CTDSPL: variants seen among roughly 807,000 people sequenced by gnomAD.
CTDSPL encodes the protein CTD small phosphatase like.
In CTDSPL, 8 loss-of-function variants were observed where a neutral mutation model predicts 30.5. The ratio of observed to expected loss-of-function variants is 0.26; its 90% CI spans 0.15 to 0.47. CTDSPL has a LOEUF of 0.47. Among genes scored for constraint, CTDSPL ranks in the 20% least tolerant of loss-of-function variants. The pLI is 0.99. For missense variants in CTDSPL, 248 were observed against 366.1 expected (o/e 0.68, Z 2.63); for synonymous variants, 110 against 137.9 (o/e 0.80, Z 1.42).
Position 37,901,797 on chromosome 3 carries a change from G to A in CTDSPL, c.79+39519G>A, listed in dbSNP as rs555193574. ...AGGTGTATGCAACCAGAAAGGTATT[G>A]AGCTACACAAAAATCAGAAAACCCA... is the stretch of plus-strand genomic sequence containing the variant. On this transcript the variant is annotated intron_variant, in intron 1 of 7. Coordinates refer to ENST00000273179, the MANE Select transcript of CTDSPL (RefSeq NM_001008392.2). Among the ~76,000 whole-genome samples, 7 of 152,268 alleles carry A rather than the reference G, an allele frequency of 4.6e-5. No homozygotes were observed. The South Asian group carries it at 1.5e-3, about 32-fold the overall frequency.
intron 1 of CTDSPL, among the ~76,000 whole-genome samples, chr3:37,884,073 A>G (rs1248043622): frequency 2.6e-5 from 4 of 152,238 alleles, no homozygotes; most frequent in Non-Finnish European, 5.9e-5. Context: ...CAAACATAAA[A>G]TGTTAGTATA....
At position 37,862,319 on chromosome 3, in the gene CTDSPL, C is replaced by T. The variant is rs1697951413; in HGVS notation, c.79+41C>T. 1.4e-6 allele frequency: 2 copies of T among 1,430,046 alleles called. No individual in the cohort carries two copies. The highest frequency in any genetic ancestry group is 2.9e-5 in the East Asian group (1 of 34,580). The allele number at this position is 1,430,046 out of a possible 1,614,324, so 88.6% of individuals were successfully genotyped here. ...GGCGGCCGCGGGCTGGGGGCGAGCGCACACCCCGCGCCGCTGGAGTTCACT... is the reference window on the plus strand; with the variant it reads ...GGCGGCCGCGGGCTGGGGGCGAGCGTACACCCCGCGCCGCTGGAGTTCACT... On this transcript the variant is annotated intron_variant, in intron 1 of 7. Coordinates refer to ENST00000273179, the MANE Select transcript of CTDSPL (RefSeq NM_001008392.2). This position sits in a 1 kb window ranked among gnomAD's most constrained non-coding sequence, Gnocchi z 4.3.
intron 1 of CTDSPL, among the ~76,000 whole-genome samples, chr3:37,864,697 A>G (rs924949950): frequency 1.3e-5 from 2 of 152,158 alleles, no homozygotes; most frequent in Non-Finnish European, 1.5e-5. Context: ...GCATGTTGAT[A>G]TCTTCAGATG....
intron 1 of CTDSPL, among the ~76,000 whole-genome samples, chr3:37,937,426 A>T (rs943673048): frequency 6.7e-6 from 1 of 150,130 alleles, no homozygotes; most frequent in South Asian, 2.1e-4. Context: ...GTAGGTTGTT[A>T]TAAAGAAAGG....
chr3:37,919,501 G>T (rs577876965), intron 1 of CTDSPL, among the ~76,000 whole-genome samples: 1 of 152,316 alleles, frequency 6.6e-6, no homozygotes, highest in African/African-American at 2.4e-5. Context: ...GAAGTGTAAG[G>T]TAGAAACCAG....
In CTDSPL at chr3:37,962,019, C is replaced by G. The variant is rs10222623; in HGVS notation, c.268-2552C>G. On this transcript the variant is annotated intron_variant, in intron 3 of 7. Transcript: ENST00000273179. ...TGGTCCCTTCCTCCTCCACCCACCC[C>G]CCGGCAATGCTCTTTGTGTACATTT... 5.7e-3 allele frequency among the ~76,000 whole-genome samples: 862 copies of G among 152,318 alleles called. 8 individuals carry two copies. Among genetic ancestry groups the G allele is most frequent in the African/African-American group, 0.019 (794 of 41,564 alleles).
chr3:37,910,864 A>G (rs1698575332), intron 1 of CTDSPL, among the ~76,000 whole-genome samples: 1 of 152,114 alleles, frequency 6.6e-6, no homozygotes. Context: ...ACCACATGTG[A>G]ATGTGGTCCC....
intron 1 of CTDSPL, among the ~76,000 whole-genome samples, chr3:37,868,737 G>T (rs1575273905): frequency 6.6e-6 from 1 of 151,968 alleles, no homozygotes; most frequent in Non-Finnish European, 1.5e-5. Flanking sequence ...CTGTTTCTGG[G>T]TTTATTTATT....
intron 1 of CTDSPL, among the ~76,000 whole-genome samples, chr3:37,903,719 T>C (rs1363986773): frequency 6.6e-6 from 1 of 152,216 alleles, no homozygotes; most frequent in East Asian, 1.9e-4. Flanking sequence ...GGTGACTTCA[T>C]AGTAACAGGC....
At chr3:37,946,520 G>A (rs1207514096) in intron 1 of CTDSPL, among the ~76,000 whole-genome samples, 6 of 152,286 alleles carry the variant, frequency 3.9e-5, no homozygotes, top group South Asian at 4.1e-4. Context: ...TTAAGCAGGC[G>A]GTTCTTTTGT....
At chr3:37,964,444 C>T in intron 3 of CTDSPL, 127 bp from the exon 4 acceptor site, 1 of 593,930 alleles carries the variant, frequency 1.7e-6, no homozygotes, top group Non-Finnish European at 3.0e-6. Context: ...CTACTTATTC[C>T]TATTGTTCTT....
At chr3:37,904,166 C>T (rs930341911) in intron 1 of CTDSPL, among the ~76,000 whole-genome samples, 1 of 152,218 alleles carries the variant, frequency 6.6e-6, no homozygotes, top group African/African-American at 2.4e-5. Flanking sequence ...ACAGAGCAGC[C>T]TTTCACTGAA....
At chr3:37,912,492 G>A (rs1006029857) in intron 1 of CTDSPL, among the ~76,000 whole-genome samples, 5 of 152,224 alleles carry the variant, frequency 3.3e-5, no homozygotes, top group African/African-American at 1.2e-4. Flanking sequence ...ACGAGGCTGA[G>A]GCACCCCTGT....
chr3:37,937,303 G>A lies in CTDSPL; in HGVS notation c.80-9754G>A, dbSNP rs1698927739. On this transcript the variant is annotated intron_variant, in intron 1 of 7. Coordinates refer to ENST00000273179, the MANE Select transcript of CTDSPL (RefSeq NM_001008392.2). ...TGCCATTGTAGTGGTGTTGGGAGGT[G>A]GAACCTAATGGGAGCTGTCTGAGTC... 1.3e-5 allele frequency among the ~76,000 whole-genome samples: 2 copies of A among 150,214 alleles called. 1 individual carries two copies. Among genetic ancestry groups the A allele is most frequent in the South Asian group, 4.3e-4 (2 of 4,662 alleles).
chr3:37,939,222 G>A (rs1014518655), intron 1 of CTDSPL, among the ~76,000 whole-genome samples: 1 of 150,204 alleles, frequency 6.7e-6, no homozygotes, highest in East Asian at 1.9e-4. Context: ...GAAGCTGCTG[G>A]TAGATTTTCT....
In CTDSPL at chr3:37,975,663, G is replaced by A. The variant is rs1699416743; in HGVS notation, c.520-46G>A. 6.5e-7 allele frequency: 1 copy of A among 1,534,574 alleles called. No homozygotes were observed. The highest frequency in any genetic ancestry group is 8.8e-7 in the Non-Finnish European group (1 of 1,130,874). On this transcript the variant is annotated intron_variant, in intron 6 of 7. Transcript: ENST00000273179. This position sits in a 1 kb window ranked among gnomAD's most constrained non-coding sequence, Gnocchi z 4.9. The stretch of plus-strand genomic sequence containing the variant: ...TTGCTGCTGTAGTTCAGGGTTTGGG[G>A]GGCTCTTTTAAACACCCAGCCTTCA...
intron 1 of CTDSPL, among the ~76,000 whole-genome samples, chr3:37,929,703 A>C (rs746933299): frequency 6.6e-6 from 1 of 152,166 alleles, no homozygotes; most frequent in Non-Finnish European, 1.5e-5. Flanking sequence ...GGGTTTCTAC[A>C]TATAAGATCA....
intron 7 of CTDSPL, among the ~76,000 whole-genome samples, chr3:37,976,851 G>C (rs1699434419): frequency 6.6e-6 from 1 of 151,980 alleles, no homozygotes; most frequent in East Asian, 1.9e-4. Context: ...ACTTCCAGGG[G>C]AAAAGAGGCC....
At chr3:37,979,186 G>A (rs1296215379) in intron 7 of CTDSPL, among the ~76,000 whole-genome samples, 3 of 152,084 alleles carry the variant, frequency 2.0e-5, no homozygotes, top group African/African-American at 7.2e-5. Flanking sequence ...GCCAGGCTTG[G>A]TGGCTTACCT....
Sources: gnomAD v4.1 joint callset for allele counts (sites outside exome capture counted in the v4.1 genomes callset) on GRCh38, gnomAD v4.1.1 for gene constraint, Gnocchi (gnomAD v3.1) non-coding constraint, MANE v1.5 for transcripts, NCBI Gene and HGNC (gene_info 2026-07-23, HGNC 2026-07-21) for gene names.